The following AP3S1 variants were observed in gnomAD, a reference collection of about 807,000 sequenced individuals.
AP3S1 encodes the protein adaptor related protein complex 3 subunit sigma 1, also known as AP-3 complex subunit sigma-1.
A neutral mutation model predicts 21.3 loss-of-function variants in AP3S1; 12 were observed. The observed-to-expected ratio is 0.56, with a 90% CI of 0.36 to 0.91. The LOEUF (loss-of-function observed/expected upper bound fraction) is 0.91, where lower values mean the gene tolerates loss of function less well. AP3S1 is among the 40% of genes least tolerant of loss of function. AP3S1 has a pLI of 0.01. For synonymous variants in AP3S1, 48 were observed against 78.4 expected, an observed-to-expected ratio of 0.61 and a Z score of 2.05; for missense variants, 116 against 225.0, an observed-to-expected ratio of 0.52 and a Z score of 3.10.
chr5:115,878,133 TC>T (rs1302106424), intron 3 of AP3S1, among the ~76,000 whole-genome samples: 2 of 152,240 alleles, frequency 1.3e-5, no homozygotes, highest in African/African-American at 4.8e-5. Flanking sequence ...GCAAAAATTT[TC>T]TCCCATTCTG....
chr5:115,855,061 A>G (rs866372484), intron 1 of AP3S1, among the ~76,000 whole-genome samples: 4 of 147,988 alleles, frequency 2.7e-5, no homozygotes, highest in Admixed American at 6.7e-5. Context: ...CTATCTATCT[A>G]TCTCTGTCTC....
chr5:115,861,260 G>C (rs1171706403), intron 1 of AP3S1, among the ~76,000 whole-genome samples: 1 of 152,184 alleles, frequency 6.6e-6, no homozygotes, highest in Non-Finnish European at 1.5e-5. Flanking sequence ...GTTGTTCCCA[G>C]ACGGAAGTGG....
chr5:115,882,450 A>C (rs1443705158), intron 3 of AP3S1, among the ~76,000 whole-genome samples: 2 of 152,166 alleles, frequency 1.3e-5, no homozygotes, highest in African/African-American at 4.8e-5. Flanking sequence ...TCCTTCTAAC[A>C]GGCCCCTCTG....
intron 3 of AP3S1, among the ~76,000 whole-genome samples, chr5:115,874,084 G>A (rs952558460): frequency 6.6e-6 from 1 of 152,078 alleles, no homozygotes; most frequent in African/African-American, 2.4e-5. Context: ...TATTCCACCA[G>A]TACTGAATTT....
chr5:115,891,830 A>G (rs570020281), intron 3 of AP3S1, among the ~76,000 whole-genome samples: 2 of 152,314 alleles, frequency 1.3e-5, no homozygotes, highest in African/African-American at 2.4e-5. Context: ...GTACCCTGCA[A>G]AGCCACAGGG....
At chr5:115,899,444 A>G (rs1751030807) in intron 4 of AP3S1, among the ~76,000 whole-genome samples, 1 of 152,176 alleles carries the variant, frequency 6.6e-6, no homozygotes, top group Non-Finnish European at 1.5e-5. Flanking sequence ...TTGAAATTTT[A>G]TAATTTTAAA....
intron 3 of AP3S1, among the ~76,000 whole-genome samples, chr5:115,883,002 A>AG (rs1749443116): frequency 6.6e-6 from 1 of 152,152 alleles, no homozygotes; most frequent in South Asian, 2.1e-4. Flanking sequence ...TTACACTGTG[A>AG]GGGGTAAACC....
intron 3 of AP3S1, among the ~76,000 whole-genome samples, chr5:115,888,836 C>T (rs2112894835): frequency 6.6e-6 from 1 of 152,132 alleles, no homozygotes; most frequent in Admixed American, 6.5e-5. Context: ...ATTCTGGCTG[C>T]CATTTATTAA....
intron 1 of AP3S1, among the ~76,000 whole-genome samples, chr5:115,862,603 C>T (rs1763283252): frequency 6.6e-6 from 1 of 152,024 alleles, no homozygotes; most frequent in Admixed American, 6.6e-5. Context: ...GTAATAATTC[C>T]AACATTCTGT....
At chr5:115,869,005 T>C (rs1747981764) in intron 2 of AP3S1, among the ~76,000 whole-genome samples, 1 of 146,972 alleles carries the variant, frequency 6.8e-6, no homozygotes, top group Non-Finnish European at 1.5e-5. Flanking sequence ...TTTCCCATAT[T>C]CTGTTGGGAT....
chr5:115,851,994 A>G (rs1263931773), intron 1 of AP3S1, among the ~76,000 whole-genome samples: 1 of 152,066 alleles, frequency 6.6e-6, no homozygotes, highest in Non-Finnish European at 1.5e-5. Context: ...AGATTAAATA[A>G]GAGAATGGTT....
chr5:115,906,723 A>G, intron 5 of AP3S1: 1 of 867,284 alleles, frequency 1.2e-6, no homozygotes, highest in Non-Finnish European at 1.7e-6. Context: ...AAGATGGATA[A>G]ATGGGTCTGA....
chr5:115,901,580 G>T (rs1355449968), intron 4 of AP3S1, among the ~76,000 whole-genome samples: 3 of 150,518 alleles, frequency 2.0e-5, no homozygotes, highest in Non-Finnish European at 4.4e-5. Flanking sequence ...ATTGAGGCAG[G>T]GTCTCACTCT....
chr5:115,842,234 G>A lies in AP3S1; in HGVS notation c.69+128G>A, dbSNP rs571070149. 2.8e-4 allele frequency: 381 copies of A among 1,349,822 alleles called. 1 individual carries two copies. Among genetic ancestry groups the A allele is most frequent in the Non-Finnish European group, 3.4e-4 (353 of 1,024,608 alleles). 83.6% of individuals were successfully genotyped at this position (1,349,822 alleles called of 1,614,324 possible). ...CCTTGTCCCGTCCCGGCCGCCTGGCGCTCGCCAGCTGTCAGCCTCCTGGTG... is the reference window on the plus strand; with the variant it reads ...CCTTGTCCCGTCCCGGCCGCCTGGCACTCGCCAGCTGTCAGCCTCCTGGTG... On this transcript the variant is annotated intron_variant, in intron 1 of 5. Coordinates refer to ENST00000316788, the MANE Select transcript of AP3S1 (RefSeq NM_001284.4).
chr5:115,886,174 A>G (rs1749763479), intron 3 of AP3S1, among the ~76,000 whole-genome samples: 1 of 152,220 alleles, frequency 6.6e-6, no homozygotes, highest in African/African-American at 2.4e-5. Flanking sequence ...GGATTACTGC[A>G]AAGGCTCAAA....
At chr5:115,912,015 A>G (rs946653973) in intron 5 of AP3S1, 4 of 151,888 alleles carry the variant, frequency 2.6e-5, no homozygotes, top group African/African-American at 9.7e-5. Flanking sequence ...TAATTTTTCT[A>G]TTATTTCCAA....
At chr5:115,845,338 T>C (rs962546134) in intron 1 of AP3S1, among the ~76,000 whole-genome samples, 2 of 152,208 alleles carry the variant, frequency 1.3e-5, no homozygotes, top group African/African-American at 2.4e-5. Context: ...GCACTTCATT[T>C]TCATTCCTCA....
At chr5:115,859,000 G>A (rs2112804163) in intron 1 of AP3S1, among the ~76,000 whole-genome samples, 1 of 151,874 alleles carries the variant, frequency 6.6e-6, no homozygotes, top group Non-Finnish European at 1.5e-5. Context: ...GAATGGGCAG[G>A]TTTGTTACAT....
At chr5:115,876,266 G>A (rs1304651112) in intron 3 of AP3S1, among the ~76,000 whole-genome samples, 1 of 152,184 alleles carries the variant, frequency 6.6e-6, no homozygotes, top group African/African-American at 2.4e-5. Context: ...GAATATAGTA[G>A]ACACGCTTTT....
Sources: gnomAD v4.1 joint callset for allele counts (sites outside exome capture counted in the v4.1 genomes callset) on GRCh38, gnomAD v4.1.1 for gene constraint, MANE v1.5 for transcripts, NCBI Gene and HGNC (gene_info 2026-07-23, HGNC 2026-07-21) for gene names.